STAT4: variants seen among roughly 807,000 people sequenced by gnomAD.
STAT4 encodes signal transducer and activator of transcription 4.
In STAT4, 42 loss-of-function variants were observed where a neutral mutation model predicts 110.5. The observed-to-expected ratio is 0.38, with a 90% CI of 0.30 to 0.49. The LOEUF (loss-of-function observed/expected upper bound fraction) is 0.49. STAT4 is among the 20% of genes least tolerant of loss of function. The pLI, the probability that STAT4 is intolerant of heterozygous loss-of-function variation, is 0.95. For missense variants in STAT4, 632 were observed against 887.9 expected (o/e 0.71, Z 3.66); for synonymous variants, 284 against 302.2 (o/e 0.94, Z 0.63).
chr2:191,030,650 G>A lies in STAT4; in HGVS notation c.2220+322C>T, dbSNP rs3024936. 1 of 225,380 alleles carries A rather than the reference G, an allele frequency of 4.4e-6. No homozygotes were observed. The highest frequency in any genetic ancestry group is 8.9e-6 in the Non-Finnish European group (1 of 111,798). 14.0% of individuals were successfully genotyped at this position (225,380 alleles called of 1,614,324 possible). On this transcript the variant is annotated intron_variant, in intron 23 of 23. Coordinates refer to ENST00000392320, the MANE Select transcript of STAT4 (RefSeq NM_003151.4). This position sits in a 1 kb window ranked among gnomAD's most constrained non-coding sequence, Gnocchi z 4.4. ...CCAATAAATGGTGTTTGCTAAAGTA[G>A]AGAGTGGTGGGGAGTGAGGGGGCCC...
At chr2:191,047,957 C>T (rs923321321) in intron 14 of STAT4, among the ~76,000 whole-genome samples, 1 of 152,168 alleles carries the variant, frequency 6.6e-6, no homozygotes, top group African/African-American at 2.4e-5. Flanking sequence ...TGAGCCAACA[C>T]GCCTGGTCTA....
At chr2:191,052,094 T>C (rs1228954123) in intron 14 of STAT4, among the ~76,000 whole-genome samples, 1 of 152,188 alleles carries the variant, frequency 6.6e-6, no homozygotes, top group Non-Finnish European at 1.5e-5. Context: ...TAGCTTCCTG[T>C]TTTCCTGTAA....
Position 191,090,762 on chromosome 2 carries a change from G to A in STAT4, c.274-14437C>T, listed in dbSNP as rs535916328. ...TTTTTAGTAGAGACAGGGTTTCACC[G>A]TGTTAGCCTGACACCGTGTTAGCCT... On this transcript the variant is annotated intron_variant, in intron 3 of 23. Transcript: ENST00000392320. This position sits in a 1 kb window ranked among gnomAD's most constrained non-coding sequence, Gnocchi z 4.2. Among the ~76,000 whole-genome samples the A allele has an allele frequency of 6.6e-6, 1 of 152,066 alleles. No individual in the cohort carries two copies. Among genetic ancestry groups the A allele is most frequent in the African/African-American group, 2.4e-5 (1 of 41,470 alleles).
chr2:191,073,888 T>C (rs1014248802), intron 4 of STAT4, among the ~76,000 whole-genome samples: 1 of 152,240 alleles, frequency 6.6e-6, no homozygotes, highest in Non-Finnish European at 1.5e-5. Flanking sequence ...TCTCTCTGAA[T>C]AGTGAAATTA....
rs2125167280 is a variant in STAT4, at chr2:191,042,093, C to T, written c.1252-945G>A. On this transcript the variant is annotated intron_variant, in intron 14 of 23. Transcript: ENST00000392320. The surrounding 1 kb of genome is among the most constrained non-coding windows in gnomAD (Gnocchi z 4.2). The stretch of plus-strand genomic sequence containing the variant: ...CCAGACCAAGGGAGGTAACATACAG[C>T]TACTGCCTTCTATACCCAACACCGT... Among the ~76,000 whole-genome samples the T allele has an allele frequency of 6.6e-6, 1 of 152,276 alleles. No individual in the cohort carries two copies. Among genetic ancestry groups the T allele is most frequent in the South Asian group, 2.1e-4 (1 of 4,826 alleles).
At position 191,127,387 on chromosome 2, in the gene STAT4, C is replaced by T. The variant is rs115648343; in HGVS notation, c.273+19226G>A. 1.2e-3 allele frequency among the ~76,000 whole-genome samples: 182 copies of T among 152,256 alleles called. 2 individuals are homozygous for T. The highest frequency in any genetic ancestry group is 2.7e-3 in the South Asian group (13 of 4,822). Reference sequence around the variant, plus strand: ...TGCTGTACCAGATACTCTTTTTCTTCTACTCCTCTTCAGAGAGTCCTGAAC... The same window carrying T: ...TGCTGTACCAGATACTCTTTTTCTTTTACTCCTCTTCAGAGAGTCCTGAAC... On this transcript the variant is annotated intron_variant, in intron 3 of 23. Transcript: ENST00000392320.
At chr2:191,034,058 GATATA>G (rs1553502886) in intron 18 of STAT4, 53 bp from the exon 19 acceptor site, 3 of 1,218,308 alleles carry the variant, frequency 2.5e-6, no homozygotes, top group Non-Finnish European at 3.5e-6. Flanking sequence ...TAATAATGTT[GATATA>G]ATAATTTAAG....
At chr2:191,103,616 A>G (rs752307177) in intron 3 of STAT4, among the ~76,000 whole-genome samples, 17 of 152,178 alleles carry the variant, frequency 1.1e-4, no homozygotes, top group Non-Finnish European at 1.9e-4. Flanking sequence ...AAGGAGAAGC[A>G]TAATTTAATT....
rs994661803 is a variant in STAT4 at position 191,113,009 on chromosome 2, T to A, written c.273+33604A>T. Among the ~76,000 whole-genome samples, 4 of 152,224 alleles carry A rather than the reference T, an allele frequency of 2.6e-5. No individual in the cohort carries two copies. Among genetic ancestry groups the A allele is most frequent in the African/African-American group, 9.6e-5 (4 of 41,464 alleles). ...CATAGCTCTCTGCTGTTCTTGCCCATCTGGGAATACTCACACGAGTAGGGC... is the reference window on the plus strand; with the variant it reads ...CATAGCTCTCTGCTGTTCTTGCCCAACTGGGAATACTCACACGAGTAGGGC... On this transcript the variant is annotated intron_variant, in intron 3 of 23. Transcript: ENST00000392320. The surrounding 1 kb of genome is among the most constrained non-coding windows in gnomAD (Gnocchi z 4.8).
In STAT4 at chr2:191,146,234, C is replaced by T. The variant is rs564565073; in HGVS notation, c.273+379G>A. Among the ~76,000 whole-genome samples the T allele has an allele frequency of 6.6e-6, 1 of 152,236 alleles. No individual in the cohort carries two copies. The highest frequency in any genetic ancestry group is 1.9e-4 in the East Asian group (1 of 5,176). ...AGAATACATTCACTCATGATGCTCT[C>T]ATTTAGGAATGAGAACAATACTAAC... is the stretch of plus-strand genomic sequence containing the variant. On this transcript the variant is annotated intron_variant, in intron 3 of 23. Transcript: ENST00000392320. This position sits in a 1 kb window ranked among gnomAD's most constrained non-coding sequence, Gnocchi z 4.5.
intron 4 of STAT4, among the ~76,000 whole-genome samples, chr2:191,074,132 CA>C (rs1444066200): frequency 6.6e-6 from 1 of 152,026 alleles, no homozygotes; most frequent in Non-Finnish European, 1.5e-5. Flanking sequence ...CCTGGTTAAG[CA>C]AAAAGACAGT....
chr2:191,067,047 C>T (rs1187604289), intron 6 of STAT4, among the ~76,000 whole-genome samples: 2 of 151,478 alleles, frequency 1.3e-5, no homozygotes, highest in Non-Finnish European at 2.9e-5. Flanking sequence ...TTACTTTCCC[C>T]CACTTTTTTT....
chr2:191,091,401 A>G lies in STAT4; in HGVS notation c.274-15076T>C, dbSNP rs907129365. Reference sequence around the variant, plus strand: ...ACAGGTCTTACATGAATTAAATTAAACTAGGGTCACACTGAAAACTTTAAA... The same window carrying G: ...ACAGGTCTTACATGAATTAAATTAAGCTAGGGTCACACTGAAAACTTTAAA... On this transcript the variant is annotated intron_variant, in intron 3 of 23. Coordinates refer to ENST00000392320, the MANE Select transcript of STAT4 (RefSeq NM_003151.4). The surrounding 1 kb of genome is among the most constrained non-coding windows in gnomAD (Gnocchi z 5.4). Among the ~76,000 whole-genome samples the G allele has an allele frequency of 6.7e-6, 1 of 150,018 alleles. No homozygotes were observed. The highest frequency in any genetic ancestry group is 1.9e-4 in the East Asian group (1 of 5,202).
rs1473770398 is a variant in STAT4, at chr2:191,069,689, T to G, written c.544+4A>C. 3 of 1,604,800 alleles carry G rather than the reference T, an allele frequency of 1.9e-6. No individual in the cohort carries two copies. The highest frequency in any genetic ancestry group is 2.5e-6 in the Non-Finnish European group (3 of 1,176,762). On this transcript the variant is annotated splice_donor_region_variant and intron_variant, in intron 6 of 23. Transcript: ENST00000392320. ...GCATAATTATAGAAAAAACAAAAAC[T>G]TACCCATTGTCTGAATTGTTTTATA...
rs938451501 is a variant in STAT4, at chr2:191,039,550, C to T, written c.1336-253G>A. On this transcript the variant is annotated intron_variant, in intron 15 of 23. Transcript: ENST00000392320. The surrounding 1 kb of genome is among the most constrained non-coding windows in gnomAD (Gnocchi z 4.7). ...CAGTCAGGCAGCTTCCCAGTATCTCCCCTGACATTGCGGACACATTTATAC... is the reference window on the plus strand; with the variant it reads ...CAGTCAGGCAGCTTCCCAGTATCTCTCCTGACATTGCGGACACATTTATAC... 6.6e-6 allele frequency among the ~76,000 whole-genome samples: 1 copy of T among 152,162 alleles called. No individual in the cohort carries two copies. The highest frequency in any genetic ancestry group is 2.4e-5 in the African/African-American group (1 of 41,440).
chr2:191,132,388 C>T (rs1451783716), intron 3 of STAT4, among the ~76,000 whole-genome samples: 4 of 151,728 alleles, frequency 2.6e-5, no homozygotes, highest in African/African-American at 9.7e-5. Context: ...TAAGCATGAA[C>T]GTCCTCAAAG....
In STAT4 at chr2:191,064,844, C is replaced by T; in HGVS notation, c.745G>A (p.Gly249Ser). 6.2e-7 allele frequency: 1 copy of T among 1,613,312 alleles called. No homozygotes were observed. The highest frequency in any genetic ancestry group is 1.1e-5 in the South Asian group (1 of 91,022). ...TGGTCGAGCCCATTGTGGAGTGGAC[C>T]CCCGATGCAGGCGATTTGCTGCCGC... ...KRRQQIACIG[G>S]PLHNGLDQLQ... Residue 249 changes from glycine to serine, a missense_variant, in exon 8 of 24, where the codon GGT (glycine) becomes AGT (serine). Coordinates refer to ENST00000392320, the MANE Select transcript of STAT4 (RefSeq NM_003151.4).
rs541664540 is a variant in STAT4 at position 191,064,243 on chromosome 2, C to T, written c.782+564G>A. Reference sequence around the variant, plus strand: ...ATAGTTACATCAACGGAATAACATGCATTATTACCTCACATACTTACTTTT... The same window carrying T: ...ATAGTTACATCAACGGAATAACATGTATTATTACCTCACATACTTACTTTT... On this transcript the variant is annotated intron_variant, in intron 8 of 23. Coordinates refer to ENST00000392320, the MANE Select transcript of STAT4 (RefSeq NM_003151.4). 2.0e-5 allele frequency among the ~76,000 whole-genome samples: 3 copies of T among 152,266 alleles called. No homozygotes were observed. The South Asian group carries it at 6.2e-4, about 32-fold the overall frequency.
At chr2:191,072,435 G>C (rs1178973776) in intron 5 of STAT4, among the ~76,000 whole-genome samples, 2 of 152,110 alleles carry the variant, frequency 1.3e-5, no homozygotes, top group African/African-American at 4.8e-5. Context: ...ACTTGTTATG[G>C]AGGATCACTA....
Sources: gnomAD v4.1 joint callset for allele counts (sites outside exome capture counted in the v4.1 genomes callset) on GRCh38, gnomAD v4.1.1 for gene constraint, Gnocchi (gnomAD v3.1) non-coding constraint, MANE v1.5 for transcripts, NCBI Gene and HGNC (gene_info 2026-07-23, HGNC 2026-07-21) for gene names.